The following PCNX2 variants were observed in gnomAD, a reference collection of about 807,000 sequenced individuals.
The protein encoded by PCNX2 is pecanex-like protein 2.
In PCNX2, 168 loss-of-function variants were observed where a neutral mutation model predicts 223.8. The ratio of observed to expected loss-of-function variants is 0.75; its 90% CI spans 0.66 to 0.85. PCNX2 has a LOEUF of 0.85. Among genes scored for constraint, PCNX2 ranks in the 40% least tolerant of loss-of-function variants. PCNX2 has a pLI of 0.00. For synonymous variants in PCNX2, 1,006 were observed against 1,052.6 expected (o/e 0.96, Z 0.86); for missense variants, 2,507 against 2,675.5 (o/e 0.94, Z 1.39).
At chr1:233,005,009 G>C (rs1339028743) in intron 28 of PCNX2, among the ~76,000 whole-genome samples, 1 of 152,204 alleles carries the variant, frequency 6.6e-6, no homozygotes, top group Non-Finnish European at 1.5e-5. Context: ...TACAACAGCA[G>C]AGTCAGGCTG....
intron 25 of PCNX2, among the ~76,000 whole-genome samples, chr1:233,029,887 C>T (rs1264261998): frequency 6.6e-6 from 1 of 151,984 alleles, no homozygotes; most frequent in Non-Finnish European, 1.5e-5. Flanking sequence ...CTTTAATTTT[C>T]AGAAATTTGA....
intron 26 of PCNX2, among the ~76,000 whole-genome samples, chr1:233,023,714 T>C (rs1368405937): frequency 6.6e-6 from 1 of 152,228 alleles, no homozygotes. Flanking sequence ...AAAACATGTA[T>C]AGTTTTGTAT....
chr1:233,165,736 G>C (rs754308561), intron 17 of PCNX2, among the ~76,000 whole-genome samples: 3 of 152,126 alleles, frequency 2.0e-5, no homozygotes, highest in African/African-American at 7.2e-5. Context: ...TAAATGGGGA[G>C]ATATACTGCA....
intron 1 of PCNX2, among the ~76,000 whole-genome samples, chr1:233,282,149 CAGCG>C (rs1306356634): frequency 6.6e-6 from 1 of 152,124 alleles, no homozygotes; most frequent in Non-Finnish European, 1.5e-5. Flanking sequence ...GTTTTCTCAG[CAGCG>C]AGCAACACAG....
At chr1:233,307,893 A>C in the PCNX2 span, among the ~76,000 whole-genome samples, 1 of 152,214 alleles carries the variant, frequency 6.6e-6, no homozygotes, top group Non-Finnish European at 1.5e-5. Context: ...ACCTCCAAGC[A>C]AAACAGTCAC....
At chr1:233,103,207 G>A (rs1386886642) in intron 21 of PCNX2, among the ~76,000 whole-genome samples, 1 of 152,082 alleles carries the variant, frequency 6.6e-6, no homozygotes, top group Non-Finnish European at 1.5e-5. Context: ...GTATAGGCAT[G>A]CAATACGTAA....
At chr1:233,304,504 G>A in the PCNX2 span, among the ~76,000 whole-genome samples, 7 of 152,098 alleles carry the variant, frequency 4.6e-5, no homozygotes, top group African/African-American at 1.7e-4. Flanking sequence ...CCAAGAGTAA[G>A]CATAAAAAAT....
chr1:233,064,724 A>C (rs1030848295), intron 23 of PCNX2, among the ~76,000 whole-genome samples: 1 of 151,806 alleles, frequency 6.6e-6, no homozygotes, highest in African/African-American at 2.4e-5. Context: ...ATGCTCAAAC[A>C]TGTATCTAGG....
At chr1:233,082,317 G>A (rs1190605749) in intron 23 of PCNX2, among the ~76,000 whole-genome samples, 1 of 152,076 alleles carries the variant, frequency 6.6e-6, no homozygotes, top group Non-Finnish European at 1.5e-5. Flanking sequence ...TCCCACTACT[G>A]TTATTATTAC....
chr1:233,252,088 C>T (rs1366009040), intron 7 of PCNX2, among the ~76,000 whole-genome samples: 1 of 152,202 alleles, frequency 6.6e-6, no homozygotes, highest in Admixed American at 6.5e-5. Flanking sequence ...CTGATTAAGT[C>T]TGGGGAGTTC....
chr1:233,017,474 C>T (rs556840489), intron 26 of PCNX2, among the ~76,000 whole-genome samples: 10 of 152,088 alleles, frequency 6.6e-5, no homozygotes, highest in Admixed American at 1.3e-4. Flanking sequence ...CCCGCCACCA[C>T]GCCCAGCTAA....
chr1:233,133,734 C>A (rs1216702037), intron 21 of PCNX2, among the ~76,000 whole-genome samples: 1 of 152,104 alleles, frequency 6.6e-6, no homozygotes, highest in South Asian at 2.1e-4. Context: ...GTGGTGCATG[C>A]CTGTGGTCCT....
chr1:233,050,200 C>A (rs1226178281), intron 25 of PCNX2, among the ~76,000 whole-genome samples: 3 of 152,140 alleles, frequency 2.0e-5, no homozygotes, highest in South Asian at 4.2e-4. Flanking sequence ...AACAAACCTG[C>A]ATGTTCTGCA....
chr1:233,014,770 G>A lies in PCNX2; in HGVS notation c.4847C>T (p.Thr1616Met), dbSNP rs775029568. 17 of 1,613,338 alleles carry A rather than the reference G, an allele frequency of 1.1e-5. No homozygotes were observed. The highest frequency in any genetic ancestry group is 3.3e-4 in the Middle Eastern group (2 of 6,046). The change falls in exon 28 of 34, where the codon ACG becomes ATG. Residue 1616 changes from threonine (T) to methionine (M), a missense_variant. Coordinates refer to ENST00000258229, the MANE Select transcript of PCNX2 (RefSeq NM_014801.4). ...HCARKRQEPS[T>M]TLDSDEDSPL... ...AGAGTCCTCGTCACTGTCCAGGGTC[G>A]TTGAAGGCTGAAAGAGCAAGAAGTT...
At chr1:233,312,414 A>C in the PCNX2 span, among the ~76,000 whole-genome samples, 4 of 152,198 alleles carry the variant, frequency 2.6e-5, no homozygotes, top group African/African-American at 9.6e-5. Flanking sequence ...AAAAGTCTTT[A>C]TTTATTGAAA....
rs1669373854 is a variant in PCNX2, at chr1:232,984,228, A to G, written c.*76T>C. 1 of 1,263,180 alleles carries G rather than the reference A, an allele frequency of 7.9e-7. No individual in the cohort carries two copies. The highest frequency in any genetic ancestry group is 1.0e-6 in the Non-Finnish European group (1 of 984,584). The allele number at this position is 1,263,180 out of a possible 1,614,324, so 78.2% of individuals were successfully genotyped here. Reference sequence around the variant, plus strand: ...ATCGCGGTATTGGTTGGTTGTGGTGATTTGGGGAGCACGAGGGAGAGCAAT... The same window carrying G: ...ATCGCGGTATTGGTTGGTTGTGGTGGTTTGGGGAGCACGAGGGAGAGCAAT... On this transcript the variant is annotated 3_prime_UTR_variant, in exon 34 of 34. Coordinates refer to ENST00000258229, the MANE Select transcript of PCNX2 (RefSeq NM_014801.4).
chr1:233,053,685 G>A (rs954649729), intron 25 of PCNX2, among the ~76,000 whole-genome samples: 2 of 152,086 alleles, frequency 1.3e-5, no homozygotes, highest in African/African-American at 2.4e-5. Context: ...TCTGCATCCC[G>A]CATAACTCCA....
In PCNX2 at chr1:233,001,518, AAAT is replaced by A. The variant is rs1326244031; in HGVS notation, c.5097+16_5097+18del. 7.7e-5 allele frequency: 97 copies of A among 1,252,862 alleles called. No individual in the cohort carries two copies. Among genetic ancestry groups the A allele is most frequent in the South Asian group, 2.8e-4 (10 of 35,440 alleles). 77.6% of individuals were successfully genotyped at this position (1,252,862 alleles called of 1,614,324 possible). A position where few individuals can be genotyped will look rare whatever the true frequency, so the allele number is the denominator to read the frequency against. Reference sequence around the variant, plus strand: ...TAAATAAATAAATAAATAAATAAATAAATAAAATAGGTTTTTACCTGGTGAAGT... The same window carrying A: ...TAAATAAATAAATAAATAAATAAATAAAAATAGGTTTTTACCTGGTGAAGT... On this transcript the variant is annotated intron_variant, in intron 29 of 33. Coordinates refer to ENST00000258229, the MANE Select transcript of PCNX2 (RefSeq NM_014801.4). The surrounding 1 kb of genome is among the most constrained non-coding windows in gnomAD (Gnocchi z 4.2).
At chr1:233,276,412 C>A (rs1309101466) in intron 1 of PCNX2, among the ~76,000 whole-genome samples, 1 of 152,078 alleles carries the variant, frequency 6.6e-6, no homozygotes, top group Non-Finnish European at 1.5e-5. Flanking sequence ...GATGGTTGTA[C>A]AACAATGTGA....
Sources: allele counts gnomAD v4.1 joint callset (sites outside exome capture counted in the v4.1 genomes callset), GRCh38; gene constraint gnomAD v4.1.1; non-coding constraint Gnocchi (gnomAD v3.1); transcripts MANE v1.5; gene names NCBI Gene and HGNC (gene_info 2026-07-23, HGNC 2026-07-21).